The following ITFG1 variants were observed in gnomAD, a reference collection of about 807,000 sequenced individuals.
ITFG1 encodes the protein T-cell immunomodulatory protein.
ITFG1 carries 34 observed loss-of-function variants against 81.8 expected under a neutral mutation model. The observed-to-expected ratio is 0.42, with a 90% confidence interval of 0.32 to 0.55. ITFG1 has a LOEUF of 0.55. Ranked by LOEUF, ITFG1 falls within the 20% of genes least tolerant of loss-of-function variation. The pLI is 0.17. For missense variants in ITFG1, 672 were observed against 755.4 expected, an observed-to-expected ratio of 0.89 and a Z score of 1.29; for synonymous variants, 285 against 270.6, an observed-to-expected ratio of 1.05 and a Z score of -0.52.
intron 13 of ITFG1, among the ~76,000 whole-genome samples, chr16:47,224,300 T>G (rs1567428492): frequency 2.0e-5 from 3 of 152,232 alleles, no homozygotes; most frequent in African/African-American, 7.2e-5. Flanking sequence ...CTGGGGTTAA[T>G]GAGAGGTTGA....
chr16:47,179,951 T>C (rs1210003393), intron 14 of ITFG1, among the ~76,000 whole-genome samples: 4 of 152,248 alleles, frequency 2.6e-5, no homozygotes, highest in African/African-American at 4.8e-5. Flanking sequence ...CTGTTACTCC[T>C]TTGGCATATT....
At chr16:47,228,561 TA>T (rs1965782824) in intron 13 of ITFG1, among the ~76,000 whole-genome samples, 1 of 152,070 alleles carries the variant, frequency 6.6e-6, no homozygotes, top group Admixed American at 6.5e-5. Context: ...AGGATCTCAC[TA>T]TGTTGCCCAG....
chr16:47,171,649 T>C (rs1415396653), intron 14 of ITFG1, among the ~76,000 whole-genome samples: 1 of 152,214 alleles, frequency 6.6e-6, no homozygotes, highest in Non-Finnish European at 1.5e-5. Context: ...CGTTGTTTTT[T>C]TTTAACATTG....
intron 12 of ITFG1, among the ~76,000 whole-genome samples, chr16:47,248,996 T>C (rs534000120): frequency 1.3e-5 from 2 of 152,352 alleles, no homozygotes; most frequent in South Asian, 4.1e-4. Context: ...TTAGTTCAAG[T>C]GTAACTCTCT....
At chr16:47,326,012 A>C (rs1218096495) in intron 8 of ITFG1, among the ~76,000 whole-genome samples, 3 of 152,150 alleles carry the variant, frequency 2.0e-5, no homozygotes, top group Admixed American at 1.3e-4. Flanking sequence ...CCTGGCAGAG[A>C]CACAACAAAA....
At chr16:47,419,275 A>T (rs1404146685) in intron 6 of ITFG1, among the ~76,000 whole-genome samples, 3 of 147,516 alleles carry the variant, frequency 2.0e-5, no homozygotes, top group African/African-American at 8.0e-5. Context: ...CTTCCTTCTT[A>T]ATTTTTTTTT....
intron 10 of ITFG1, among the ~76,000 whole-genome samples, chr16:47,276,132 A>G (rs901182134): frequency 2.6e-5 from 4 of 152,136 alleles, no homozygotes; most frequent in Non-Finnish European, 4.4e-5. Context: ...TTTCAAATGA[A>G]ATAATTATCT....
chr16:47,354,225 A>G (rs756140776), intron 8 of ITFG1, among the ~76,000 whole-genome samples: 14 of 152,160 alleles, frequency 9.2e-5, no homozygotes, highest in Admixed American at 6.6e-4. Flanking sequence ...ATAGAACAGA[A>G]TATGAATACA....
intron 6 of ITFG1, among the ~76,000 whole-genome samples, chr16:47,380,924 T>C (rs141264192): frequency 8.7e-4 from 133 of 152,324 alleles, no homozygotes; most frequent in African/African-American, 3.1e-3. Flanking sequence ...TTCTTTTTCA[T>C]TAGATTCATT....
intron 8 of ITFG1, among the ~76,000 whole-genome samples, chr16:47,361,296 G>A (rs1195520235): frequency 6.6e-6 from 1 of 152,084 alleles, no homozygotes; most frequent in Non-Finnish European, 1.5e-5. Context: ...CTGACATTCT[G>A]TATAAGGTTT....
At chr16:47,274,800 C>T (rs995549089) in intron 10 of ITFG1, among the ~76,000 whole-genome samples, 5 of 152,068 alleles carry the variant, frequency 3.3e-5, no homozygotes, top group Admixed American at 1.3e-4. Flanking sequence ...AGATGAACTA[C>T]AGTGGGAAAG....
intron 12 of ITFG1, among the ~76,000 whole-genome samples, chr16:47,257,731 G>A (rs963675244): frequency 5.9e-5 from 9 of 152,202 alleles, no homozygotes; most frequent in Non-Finnish European, 7.3e-5. Context: ...ATCCATACCT[G>A]TTTTCTCCTA....
chr16:47,166,913 A>T (rs1224349365), intron 14 of ITFG1, among the ~76,000 whole-genome samples: 2 of 152,188 alleles, frequency 1.3e-5, no homozygotes. Flanking sequence ...CATTTCCATT[A>T]GCTTTCAATG....
At chr16:47,161,659 C>T (rs1964807465) in intron 16 of ITFG1, 91 bp downstream of exon 16, 5 of 790,940 alleles carry the variant, frequency 6.3e-6, no homozygotes, top group Admixed American at 1.8e-5. Context: ...GGGAACACAG[C>T]AGGAATATGA....
intron 14 of ITFG1, among the ~76,000 whole-genome samples, chr16:47,187,994 C>G (rs1018436258): frequency 2.0e-5 from 3 of 151,758 alleles, no homozygotes; most frequent in African/African-American, 7.3e-5. Flanking sequence ...TTTATGCAGC[C>G]AAAAAACACA....
intron 6 of ITFG1, among the ~76,000 whole-genome samples, chr16:47,409,394 A>ATTTT: frequency 1.3e-4 from 2 of 14,894 alleles, no homozygotes; most frequent in African/African-American, 6.4e-4. Context: ...ATATATATAT[A>ATTTT]TATATATATA....
chr16:47,331,231 T>G (rs1967632902), intron 8 of ITFG1, among the ~76,000 whole-genome samples: 1 of 152,092 alleles, frequency 6.6e-6, no homozygotes, highest in African/African-American at 2.4e-5. Flanking sequence ...AGCCAAATAC[T>G]GCATGTTCTC....
chr16:47,206,255 T>G (rs889615155), intron 14 of ITFG1, among the ~76,000 whole-genome samples: 3 of 152,170 alleles, frequency 2.0e-5, no homozygotes, highest in Admixed American at 2.0e-4. Context: ...AAAGAACACA[T>G]GATTACCTCC....
chr16:47,211,563 T>C (rs1020924583), intron 14 of ITFG1, among the ~76,000 whole-genome samples: 1 of 152,236 alleles, frequency 6.6e-6, no homozygotes, highest in Admixed American at 6.5e-5. Context: ...TTAGAGTGTT[T>C]AGAGGCGATA....
Sources: gnomAD v4.1 joint callset for allele counts (sites outside exome capture counted in the v4.1 genomes callset) on GRCh38, gnomAD v4.1.1 for gene constraint, MANE v1.5 for transcripts, NCBI Gene and HGNC (gene_info 2026-07-23, HGNC 2026-07-21) for gene names.